Variants in PTPRT observed in about 807,000 individuals in gnomAD.
PTPRT encodes protein tyrosine phosphatase receptor type T.
A neutral mutation model predicts 176.8 loss-of-function variants in PTPRT; 56 were observed. The observed-to-expected ratio is 0.32, with a 90% CI of 0.26 to 0.40. The LOEUF (loss-of-function observed/expected upper bound fraction) is 0.40, where lower values mean the gene tolerates loss of function less well. PTPRT is among the 10% of genes least tolerant of loss of function. The probability of loss-of-function intolerance (pLI) is 1.00; values close to 1 mark genes in which losing one functional copy is unlikely to be tolerated. For missense variants in PTPRT, 1,540 were observed against 1,908.2 expected (o/e 0.81, Z 3.60); for synonymous variants, 783 against 739.0 (o/e 1.06, Z -0.96).
At chr20:42,867,346 A>G (rs1013493612) in intron 2 of PTPRT, among the ~76,000 whole-genome samples, 3 of 151,484 alleles carry the variant, frequency 2.0e-5, no homozygotes, top group East Asian at 1.9e-4. Flanking sequence ...CCTGATTTCA[A>G]TGTTCACACT....
At chr20:42,381,217 T>C (rs1051785460) in intron 9 of PTPRT, among the ~76,000 whole-genome samples, 5 of 152,190 alleles carry the variant, frequency 3.3e-5, no homozygotes, top group African/African-American at 1.2e-4. Flanking sequence ...TCAAACCTTA[T>C]TGGGGGCCTT....
chr20:43,091,815 T>A (rs1054321906), intron 1 of PTPRT, among the ~76,000 whole-genome samples: 1 of 152,086 alleles, frequency 6.6e-6, no homozygotes, highest in Admixed American at 6.6e-5. Context: ...CAGCGTGCAA[T>A]TGAACAACGG....
At chr20:42,876,311 G>A (rs919876110) in intron 2 of PTPRT, among the ~76,000 whole-genome samples, 3 of 152,198 alleles carry the variant, frequency 2.0e-5, no homozygotes, top group Middle Eastern at 3.4e-3. Flanking sequence ...ACACTTAAAG[G>A]CCCATACTTC....
At chr20:42,621,609 T>C (rs898581446) in intron 7 of PTPRT, among the ~76,000 whole-genome samples, 5 of 152,220 alleles carry the variant, frequency 3.3e-5, no homozygotes, top group East Asian at 1.9e-4. Context: ...AGTGATCCTA[T>C]AGCCTCTCAG....
chr20:42,632,514 C>G (rs2145894212), intron 7 of PTPRT, among the ~76,000 whole-genome samples: 1 of 152,184 alleles, frequency 6.6e-6, no homozygotes, highest in Admixed American at 6.5e-5. Context: ...TGAGCCACCA[C>G]ACCCGGCCAC....
At chr20:42,943,499 G>T (rs1451801907) in intron 1 of PTPRT, among the ~76,000 whole-genome samples, 2 of 152,076 alleles carry the variant, frequency 1.3e-5, no homozygotes, top group African/African-American at 4.8e-5. Flanking sequence ...CAGGTGCCAG[G>T]CATGAGCAGC....
At chr20:42,704,730 C>A (rs1002478967) in intron 6 of PTPRT, among the ~76,000 whole-genome samples, 1 of 152,138 alleles carries the variant, frequency 6.6e-6, no homozygotes, top group East Asian at 1.9e-4. Context: ...ACCCATCACA[C>A]CGAACTGTAA....
intron 15 of PTPRT, among the ~76,000 whole-genome samples, chr20:42,209,451 A>G (rs1264340411): frequency 6.6e-6 from 1 of 152,140 alleles, no homozygotes; most frequent in Non-Finnish European, 1.5e-5. Flanking sequence ...ACAATAAAAA[A>G]TGATAAAGGG....
intron 1 of PTPRT, among the ~76,000 whole-genome samples, chr20:43,178,167 C>T (rs564805986): frequency 6.6e-6 from 1 of 152,226 alleles, no homozygotes; most frequent in South Asian, 2.1e-4. Context: ...CTTAGTAAAC[C>T]TAATAAAAAT....
At chr20:42,091,268 G>C (rs1984589380) in intron 27 of PTPRT, among the ~76,000 whole-genome samples, 1 of 152,174 alleles carries the variant, frequency 6.6e-6, no homozygotes, top group Admixed American at 6.5e-5. Context: ...TCCTTGGGGG[G>C]TGCAAGTTCA....
At chr20:42,136,773 T>G (rs1205457556) in intron 18 of PTPRT, among the ~76,000 whole-genome samples, 1 of 152,166 alleles carries the variant, frequency 6.6e-6, no homozygotes, top group African/African-American at 2.4e-5. Flanking sequence ...TGCAAGTAGT[T>G]GTTGTCGGGG....
intron 9 of PTPRT, among the ~76,000 whole-genome samples, chr20:42,420,338 G>A (rs1389356933): frequency 6.6e-6 from 1 of 152,080 alleles, no homozygotes; most frequent in African/African-American, 2.4e-5. Flanking sequence ...AACTCGTTTT[G>A]ACTCAGATAA....
chr20:42,928,986 C>T (rs1979660739), intron 1 of PTPRT, among the ~76,000 whole-genome samples: 1 of 152,304 alleles, frequency 6.6e-6, no homozygotes, highest in South Asian at 2.1e-4. Context: ...AACAAAATGG[C>T]CAGGAGAACA....
the PTPRT span, among the ~76,000 whole-genome samples, chr20:42,039,839 T>C: frequency 1.3e-5 from 2 of 151,886 alleles, no homozygotes; most frequent in Admixed American, 1.3e-4. Context: ...TGTTTATTCA[T>C]TGATGGACAC....
At chr20:42,139,597 C>A (rs992391858) in intron 18 of PTPRT, among the ~76,000 whole-genome samples, 6 of 152,184 alleles carry the variant, frequency 3.9e-5, no homozygotes, top group African/African-American at 7.2e-5. Flanking sequence ...GGGTATTAAC[C>A]CTTCAGGATT....
chr20:42,138,842 G>A (rs1014188517), intron 18 of PTPRT, among the ~76,000 whole-genome samples: 23 of 152,150 alleles, frequency 1.5e-4, no homozygotes, highest in African/African-American at 5.6e-4. Flanking sequence ...GTCTCTTGTT[G>A]TTTCTTTTGT....
At chr20:42,642,286 C>T (rs1450045669) in intron 7 of PTPRT, among the ~76,000 whole-genome samples, 1 of 152,138 alleles carries the variant, frequency 6.6e-6, no homozygotes, top group East Asian at 1.9e-4. Flanking sequence ...TCTTTCACAT[C>T]ACACTATATG....
intron 7 of PTPRT, among the ~76,000 whole-genome samples, chr20:42,542,000 G>C (rs985510682): frequency 6.6e-6 from 1 of 152,066 alleles, no homozygotes; most frequent in Non-Finnish European, 1.5e-5. Context: ...CATGGGGGTA[G>C]GTTTTTCCCA....
At chr20:42,081,831 A>G in intron 30 of PTPRT, 51 bp downstream of exon 30, 2 of 1,599,670 alleles carry the variant, frequency 1.3e-6, no homozygotes, top group Non-Finnish European at 1.7e-6. Context: ...TCTCCAGGTC[A>G]AGGGAACTAG....
Sources: gnomAD v4.1 joint callset for allele counts (sites outside exome capture counted in the v4.1 genomes callset) on GRCh38, gnomAD v4.1.1 for gene constraint, MANE v1.5 for transcripts, NCBI Gene and HGNC (gene_info 2026-07-23, HGNC 2026-07-21) for gene names.